The following ACER1 variants were observed in gnomAD, a reference collection of about 807,000 sequenced individuals.
ACER1 encodes the protein alkaline ceramidase 1.
Under a neutral mutation model 24.9 loss-of-function variants are expected in ACER1, and 28 were observed. The ratio of observed to expected loss-of-function variants is 1.13; its 90% CI spans 0.83 to 1.54. The LOEUF is 1.54. Among genes scored for constraint, ACER1 ranks in the 40% most tolerant of loss-of-function variants. The probability of loss-of-function intolerance (pLI) is 0.00; values close to 1 mark genes in which losing one functional copy is unlikely to be tolerated. For synonymous variants in ACER1, 132 were observed against 131.4 expected, an observed-to-expected ratio of 1.00 and a Z score of -0.03; for missense variants, 352 against 349.3, an observed-to-expected ratio of 1.01 and a Z score of -0.06.
At chr19:6,308,363 A>T (rs2091561760) in intron 4 of ACER1, among the ~76,000 whole-genome samples, 1 of 145,424 alleles carries the variant, frequency 6.9e-6, no homozygotes, top group Non-Finnish European at 1.5e-5. Context: ...TGAACCCAGG[A>T]GGTGGAGATT....
At chr19:6,351,753 A>G in the ACER1 span, among the ~76,000 whole-genome samples, 1 of 144,894 alleles carries the variant, frequency 6.9e-6, no homozygotes, top group African/African-American at 2.6e-5. Context: ...ATAATAAAAT[A>G]ATTTTAAAAT....
chr19:6,310,270 C>G (rs375620804), intron 3 of ACER1, among the ~76,000 whole-genome samples: 21 of 149,972 alleles, frequency 1.4e-4, no homozygotes, highest in Middle Eastern at 3.4e-3. Flanking sequence ...TATATTTTTA[C>G]TAGAGACGGG....
chr19:6,309,706 T>G lies in ACER1; in HGVS notation c.479A>C (p.Glu160Ala), dbSNP rs1485991058. The change falls in exon 4 of 6, where the codon GAG becomes GCG. Residue 160 changes from glutamate (E) to alanine (A), a missense_variant. Transcript: ENST00000301452. The stretch of plus-strand genomic sequence containing the variant: ...TGCAGCCTTCACTCACTTCCTGTAC[T>G]CCTGGCACACGATGTAGAGAATGTG... ...ALHILYIVCQEYRKTSNKELR... is the reference protein window; with the variant it reads ...ALHILYIVCQAYRKTSNKELR... 6.2e-7 allele frequency: 1 copy of G among 1,613,760 alleles called. No individual in the cohort carries two copies. The highest frequency in any genetic ancestry group is 8.5e-7 in the Non-Finnish European group (1 of 1,179,924).
chr19:6,311,030 C>T (rs2091577280), intron 3 of ACER1, among the ~76,000 whole-genome samples: 1 of 151,590 alleles, frequency 6.6e-6, no homozygotes, highest in South Asian at 2.1e-4. Flanking sequence ...GAAGAGGGTC[C>T]CAGGGAGCCT....
chr19:6,358,098 G>A, the ACER1 span, among the ~76,000 whole-genome samples: 1 of 152,120 alleles, frequency 6.6e-6, no homozygotes, highest in African/African-American at 2.4e-5. Context: ...CCAGGGCGGG[G>A]GCAGGAGCTG....
intron 1 of ACER1, among the ~76,000 whole-genome samples, chr19:6,326,088 G>A (rs1287040020): frequency 1.3e-5 from 2 of 150,724 alleles, no homozygotes; most frequent in African/African-American, 2.4e-5. Flanking sequence ...CGGAGTAGCT[G>A]GGACCACAAG....
At chr19:6,307,938 A>G (rs531342192) in intron 4 of ACER1, among the ~76,000 whole-genome samples, 1 of 149,814 alleles carries the variant, frequency 6.7e-6, no homozygotes, top group Non-Finnish European at 1.5e-5. Context: ...AATACAAAAA[A>G]AAAATTAGCC....
At chr19:6,351,166 A>G in the ACER1 span, among the ~76,000 whole-genome samples, 2 of 151,632 alleles carry the variant, frequency 1.3e-5, no homozygotes, top group Non-Finnish European at 2.9e-5. Context: ...AGAGATCGAG[A>G]CCATCCTGGC....
chr19:6,348,910 G>T, the ACER1 span, among the ~76,000 whole-genome samples: 1 of 151,960 alleles, frequency 6.6e-6, no homozygotes, highest in African/African-American at 2.4e-5. Context: ...ACAAAAATTA[G>T]CTGGGTATGG....
intron 1 of ACER1, among the ~76,000 whole-genome samples, chr19:6,319,968 G>A (rs757528577): frequency 4.0e-5 from 6 of 151,726 alleles, no homozygotes; most frequent in African/African-American, 7.3e-5. Flanking sequence ...AAAATTAGCC[G>A]GTGTGGTGGT....
At chr19:6,327,257 C>G (rs372904622) in intron 1 of ACER1, among the ~76,000 whole-genome samples, 2 of 152,092 alleles carry the variant, frequency 1.3e-5, no homozygotes. Context: ...CTGGTGAAAC[C>G]CTGTCTCTGC....
At chr19:6,349,942 G>T in the ACER1 span, among the ~76,000 whole-genome samples, 5 of 152,106 alleles carry the variant, frequency 3.3e-5, no homozygotes, top group African/African-American at 1.2e-4. Context: ...ACCAGCTCAG[G>T]CAACATAGCA....
At chr19:6,346,596 A>G in the ACER1 span, among the ~76,000 whole-genome samples, 1 of 145,680 alleles carries the variant, frequency 6.9e-6, no homozygotes, top group Non-Finnish European at 1.5e-5. Context: ...AGCTCACTGC[A>G]GCCTCAATCT....
At chr19:6,342,512 G>A in the ACER1 span, among the ~76,000 whole-genome samples, 1 of 151,836 alleles carries the variant, frequency 6.6e-6, no homozygotes, top group African/African-American at 2.4e-5. Context: ...GAGGTCAGGA[G>A]ATTGAGACCA....
chr19:6,349,944 A>T, the ACER1 span, among the ~76,000 whole-genome samples: 7 of 152,168 alleles, frequency 4.6e-5, no homozygotes, highest in Non-Finnish European at 1.0e-4. Flanking sequence ...CAGCTCAGGC[A>T]ACATAGCAAG....
intron 1 of ACER1, among the ~76,000 whole-genome samples, chr19:6,321,473 C>T (rs2091630556): frequency 6.6e-6 from 1 of 152,098 alleles, no homozygotes; most frequent in Admixed American, 6.6e-5. Flanking sequence ...AGAGTGAATG[C>T]ATGAGTTTTT....
Position 6,309,687 on chromosome 19 carries a change from C to T in ACER1, c.488+10G>A. Reference sequence around the variant, plus strand: ...AGCCTCCTGCCCAGGCACCTGCAGCCTTCACTCACTTCCTGTACTCCTGGC... The same window carrying T: ...AGCCTCCTGCCCAGGCACCTGCAGCTTTCACTCACTTCCTGTACTCCTGGC... On this transcript the variant is annotated intron_variant, in intron 4 of 5. Transcript: ENST00000301452. 1.2e-6 allele frequency: 2 copies of T among 1,613,730 alleles called. No homozygotes were observed. Among genetic ancestry groups the T allele is most frequent in the Non-Finnish European group, 1.7e-6 (2 of 1,179,830 alleles).
the ACER1 span, among the ~76,000 whole-genome samples, chr19:6,352,409 T>C: frequency 6.6e-6 from 1 of 152,096 alleles, no homozygotes; most frequent in Non-Finnish European, 1.5e-5. Context: ...CAAACAGCCA[T>C]GTGGAGAGAG....
At chr19:6,343,067 G>A in the ACER1 span, among the ~76,000 whole-genome samples, 8,605 of 152,160 alleles carry the variant, frequency 0.057, 402 homozygotes, top group African/African-American at 0.13. Flanking sequence ...GTGAGTCACC[G>A]CACCCAGCCA....
Sources: allele counts gnomAD v4.1 joint callset (sites outside exome capture counted in the v4.1 genomes callset), GRCh38; gene constraint gnomAD v4.1.1; transcripts MANE v1.5; gene names NCBI Gene and HGNC (gene_info 2026-07-23, HGNC 2026-07-21).